ROS1: variants seen among roughly 807,000 people sequenced by gnomAD.
The protein encoded by ROS1 is ROS proto-oncogene 1, receptor tyrosine kinase, also known as proto-oncogene tyrosine-protein kinase ROS.
In ROS1, 263 loss-of-function variants were observed where a neutral mutation model predicts 273.5. The observed-to-expected ratio is 0.96, with a 90% CI of 0.87 to 1.06. The LOEUF (loss-of-function observed/expected upper bound fraction) is 1.06, where lower values mean the gene tolerates loss of function less well. Ranked by LOEUF, ROS1 falls within the 50% of genes least tolerant of loss-of-function variation. ROS1 has a pLI of 0.00. For missense variants in ROS1, 2,833 were observed against 2,751.1 expected (o/e 1.03, Z -0.67); for synonymous variants, 1,008 against 954.1 (o/e 1.06, Z -1.04).
In ROS1 at chr6:117,360,390, A is replaced by G; in HGVS notation, c.3382T>C (p.Ser1128Pro). 1 of 1,613,388 alleles carries G rather than the reference A, an allele frequency of 6.2e-7. No homozygotes were observed. The highest frequency in any genetic ancestry group is 1.1e-5 in the South Asian group (1 of 91,034). The change falls in exon 23 of 44, where the codon TCT becomes CCT. Residue 1128 changes from serine to proline, a missense_variant. Coordinates refer to ENST00000368507, the MANE Select transcript of ROS1 (RefSeq NM_001378902.1). ...FIAFQVRAFT[S>P]KGPGPYADVV... Reference sequence around the variant, plus strand: ...TCAGCATATGGTCCTGGCCCCTTAGATGTAAAGGCCCTAACCTAAAGAAAA... The same window carrying G: ...TCAGCATATGGTCCTGGCCCCTTAGGTGTAAAGGCCCTAACCTAAAGAAAA...
At chr6:117,398,758 A>C (rs1224996310) in intron 7 of ROS1, among the ~76,000 whole-genome samples, 4 of 151,436 alleles carry the variant, frequency 2.6e-5, no homozygotes, top group Non-Finnish European at 5.9e-5. Context: ...GCGGATCACG[A>C]GGTCAGGAGA....
chr6:117,420,456 G>A (rs1775668028), intron 1 of ROS1, among the ~76,000 whole-genome samples: 1 of 148,714 alleles, frequency 6.7e-6, no homozygotes, highest in Non-Finnish European at 1.5e-5. Context: ...GGGAGGGATA[G>A]CATTAGGAGA....
intron 22 of ROS1, among the ~76,000 whole-genome samples, chr6:117,362,066 A>G (rs1048375190): frequency 1.3e-5 from 2 of 152,212 alleles, no homozygotes; most frequent in African/African-American, 4.8e-5. Flanking sequence ...AAAACAAATC[A>G]GTAATGTGTA....
chr6:117,344,062 G>T lies in ROS1; in HGVS notation c.4504C>A (p.Leu1502Met). The T allele has an allele frequency of 6.2e-7, 1 of 1,609,904 alleles. No individual in the cohort carries two copies. The highest frequency in any genetic ancestry group is 1.7e-5 in the Admixed American group (1 of 59,992). Residue 1502 changes from leucine (L) to methionine (M), a missense_variant and splice_region_variant, in exon 28 of 44, where the codon CTG (leucine) becomes ATG (methionine). By Grantham distance (15) the Leu-to-Met change is conservative. Coordinates refer to ENST00000368507, the MANE Select transcript of ROS1 (RefSeq NM_001378902.1). ...AAGACCACTAGTTCCAATCTTACCA[G>T]AATTCTATATTTCAAGTCAGAGCTG... ...KNSSDLKYRI[L>M]EFQDSIALIE...
intron 42 of ROS1, among the ~76,000 whole-genome samples, chr6:117,306,920 C>T (rs955156551): frequency 2.0e-5 from 3 of 152,112 alleles, no homozygotes; most frequent in Non-Finnish European, 4.4e-5. Flanking sequence ...GGGCTTGATG[C>T]ATGGCTTATT....
At chr6:117,422,301 G>A (rs190691219) in intron 1 of ROS1, among the ~76,000 whole-genome samples, 23 of 152,228 alleles carry the variant, frequency 1.5e-4, no homozygotes, top group Admixed American at 9.2e-4. Flanking sequence ...ATGAGCCATC[G>A]CACTTAACCA....
chr6:117,403,147 G>A lies in ROS1; in HGVS notation c.596C>T (p.Pro199Leu), dbSNP rs2128724167. ...ATGTGTGCACACCATACCTCCATGA[G>A]GATGAGTCCTGTAACTGGGACTTGG... ...SPPSPSYRTH[P>L]HGVPETAPLI... The change falls in exon 7 of 44, where the codon CCT becomes CTT. Residue 199 changes from proline to leucine, a missense_variant. Physicochemically the swap from Pro to Leu is moderately conservative, Grantham distance 98. Coordinates refer to ENST00000368507, the MANE Select transcript of ROS1 (RefSeq NM_001378902.1). 1 of 1,613,864 alleles carries A rather than the reference G, an allele frequency of 6.2e-7. No homozygotes were observed. The highest frequency in any genetic ancestry group is 1.3e-5 in the African/African-American group (1 of 75,014).
chr6:117,412,642 A>T (rs1775015234), intron 4 of ROS1, among the ~76,000 whole-genome samples: 1 of 152,192 alleles, frequency 6.6e-6, no homozygotes, highest in Non-Finnish European at 1.5e-5. Context: ...ATATACACAT[A>T]GCATGTATTC....
intron 18 of ROS1, among the ~76,000 whole-genome samples, chr6:117,369,912 TAC>T (rs2128668428): frequency 6.6e-6 from 1 of 152,296 alleles, no homozygotes; most frequent in Non-Finnish European, 1.5e-5. Flanking sequence ...TCCACGTGCA[TAC>T]ACATATATAT....
At position 117,394,236 on chromosome 6, in the gene ROS1, T is replaced by C; in HGVS notation, c.1117A>G (p.Arg373Gly). The C allele has an allele frequency of 6.2e-7, 1 of 1,610,726 alleles. No individual in the cohort carries two copies. Reference sequence around the variant, plus strand: ...ATAGAAGAAATTAATCCTGAACCTCTGTAAAAAATTCTCAGGTCAGATACA... The same window carrying C: ...ATAGAAGAAATTAATCCTGAACCTCCGTAAAAAATTCTCAGGTCAGATACA... Reference protein sequence around the residue: ...SDVSDLRIFYRGSGLISSISI... With the variant: ...SDVSDLRIFYGGSGLISSISI... Residue 373 changes from arginine (R) to glycine (G), a missense_variant, in exon 11 of 44, where the codon AGA becomes GGA. Physicochemically the swap from Arg to Gly is moderately radical, Grantham distance 125 (BLOSUM62 -2). Transcript: ENST00000368507.
At chr6:117,386,060 C>G (rs777110380) in intron 15 of ROS1, among the ~76,000 whole-genome samples, 199 bp from the exon 16 acceptor site, 6 of 152,216 alleles carry the variant, frequency 3.9e-5, no homozygotes, top group South Asian at 2.1e-4. Context: ...ACAGTGGATA[C>G]ACATCGAGCA....
rs142111778 is a variant in ROS1 at position 117,311,790 on chromosome 6, A to G, written c.6118-673T>C. On this transcript the variant is annotated intron_variant, in intron 39 of 43. Transcript: ENST00000368507. ...CTGTACTGGTTGCAATGATTTCTAC[A>G]TGAAAAGAAGCCAGTTGAAGTTTTT... Among the ~76,000 whole-genome samples, 104 of 152,252 alleles carry G rather than the reference A, an allele frequency of 6.8e-4. 1 individual carries two copies. Among genetic ancestry groups the G allele is most frequent in the African/African-American group, 2.4e-3 (99 of 41,560 alleles).
intron 32 of ROS1, among the ~76,000 whole-genome samples, chr6:117,330,473 G>A (rs1306382457): frequency 1.3e-5 from 2 of 152,228 alleles, no homozygotes; most frequent in Admixed American, 6.5e-5. Context: ...AGGGGACAAA[G>A]TGCTTCGTTA....
At chr6:117,350,049 TTTTAC>T (rs1358949860) in intron 27 of ROS1, among the ~76,000 whole-genome samples, 3 of 143,088 alleles carry the variant, frequency 2.1e-5, no homozygotes, top group African/African-American at 8.9e-5. Flanking sequence ...AAAGAAAAAC[TTTTAC>T]TTTACTTTCA....
At position 117,337,295 on chromosome 6, in the gene ROS1, C is replaced by T; in HGVS notation, c.5107G>A (p.Gly1703Ser). Reference protein sequence around the residue: ...FYHVKTSCSQGPAYVCNITNL... With the variant: ...FYHVKTSCSQSPAYVCNITNL... ...GTGATATTACAGACATAAGCAGGAC[C>T]TTGGCTGCATGAAGTTTTAACATGG... The change falls in exon 32 of 44, where the codon GGT (glycine) becomes AGT (serine). Residue 1703 changes from glycine to serine, a missense_variant. Gly to Ser is a moderately conservative substitution (Grantham distance 56, BLOSUM62 0). Transcript: ENST00000368507. The T allele has an allele frequency of 6.2e-7, 1 of 1,611,812 alleles. No homozygotes were observed. Among genetic ancestry groups the T allele is most frequent in the Non-Finnish European group, 8.5e-7 (1 of 1,178,794 alleles).
chr6:117,346,021 C>T lies in ROS1; in HGVS notation c.4304-1759G>A, dbSNP rs572213129. 1.1e-4 allele frequency among the ~76,000 whole-genome samples: 17 copies of T among 152,250 alleles called. 1 individual carries two copies. Among genetic ancestry groups the T allele is most frequent in the African/African-American group, 4.1e-4 (17 of 41,536 alleles). On this transcript the variant is annotated intron_variant, in intron 27 of 43. Coordinates refer to ENST00000368507, the MANE Select transcript of ROS1 (RefSeq NM_001378902.1). ...GGGGGTTTAGAGATGGATAACCTTA[C>T]TAAAGTTACAAGATGAACCACTCTT... is the stretch of plus-strand genomic sequence containing the variant.
In ROS1 at chr6:117,318,519, T is replaced by A. The variant is rs556365358; in HGVS notation, c.5923-267A>T. Reference sequence around the variant, plus strand: ...GAAATTTTAAGAGACCAAGTTTTGTTGTTTAGGCCAATTTCTTAATTTTCA... The same window carrying A: ...GAAATTTTAAGAGACCAAGTTTTGTAGTTTAGGCCAATTTCTTAATTTTCA... On this transcript the variant is annotated intron_variant, in intron 37 of 43. Coordinates refer to ENST00000368507, the MANE Select transcript of ROS1 (RefSeq NM_001378902.1). Among the ~76,000 whole-genome samples, 3 of 152,302 alleles carry A rather than the reference T, an allele frequency of 2.0e-5. No individual in the cohort carries two copies. In the South Asian group the frequency reaches 6.2e-4, roughly 32 times the overall value.
At chr6:117,407,520 C>T (rs1228647048) in intron 5 of ROS1, among the ~76,000 whole-genome samples, 1 of 152,132 alleles carries the variant, frequency 6.6e-6, no homozygotes, top group Non-Finnish European at 1.5e-5. Flanking sequence ...TTACAAATTT[C>T]TAGAGCCTTT....
chr6:117,411,104 G>A (rs963697173), intron 4 of ROS1, among the ~76,000 whole-genome samples: 5 of 152,026 alleles, frequency 3.3e-5, no homozygotes, highest in African/African-American at 1.2e-4. Context: ...AGAAATTGTG[G>A]TCCTGTTTTT....
Sources: allele counts gnomAD v4.1 joint callset (sites outside exome capture counted in the v4.1 genomes callset), GRCh38; gene constraint gnomAD v4.1.1; transcripts MANE v1.5; gene names NCBI Gene and HGNC (gene_info 2026-07-23, HGNC 2026-07-21).